PLCE1: variants seen among roughly 807,000 people sequenced by gnomAD.
PLCE1 encodes the protein phospholipase C epsilon 1.
Under a neutral mutation model 242.8 loss-of-function variants are expected in PLCE1, and 119 were observed. That is an observed-to-expected ratio of 0.49 (90% CI 0.42 to 0.57). PLCE1 has a LOEUF of 0.57. Ranked by LOEUF, PLCE1 falls within the 20% of genes least tolerant of loss-of-function variation. The probability of loss-of-function intolerance (pLI) is 0.00; values close to 1 mark genes in which losing one functional copy is unlikely to be tolerated. For synonymous variants in PLCE1, 945 were observed against 1,017.4 expected, an observed-to-expected ratio of 0.93 and a Z score of 1.35; for missense variants, 2,441 against 2,788.8, an observed-to-expected ratio of 0.88 and a Z score of 2.81.
At chr10:94,088,977 C>A in intron 2 of PLCE1, 1 of 1,123,028 alleles carries the variant, frequency 8.9e-7, no homozygotes, top group Non-Finnish European at 1.2e-6. Flanking sequence ...AGCCCTCCCT[C>A]GATTCTGGGT....
chr10:94,249,308 AG>A (rs1312366661), intron 8 of PLCE1, among the ~76,000 whole-genome samples: 5 of 152,204 alleles, frequency 3.3e-5, no homozygotes, highest in African/African-American at 1.2e-4. Context: ...ATCACCAAAA[AG>A]ATGCTAACTT....
chr10:94,308,725 A>C, intron 27 of PLCE1, 26 bp downstream of exon 27: 2 of 1,409,554 alleles, frequency 1.4e-6, no homozygotes, highest in African/African-American at 2.8e-5. Flanking sequence ...TTCACTCAAC[A>C]TATTTATGGG....
At chr10:94,009,146 G>C (rs1021703610) in intron 1 of PLCE1, among the ~76,000 whole-genome samples, 4 of 152,178 alleles carry the variant, frequency 2.6e-5, no homozygotes, top group African/African-American at 9.7e-5. Flanking sequence ...ACATGGTACT[G>C]GCATGTGCTT....
chr10:94,002,140 T>G (rs1032047112), intron 1 of PLCE1, among the ~76,000 whole-genome samples: 1 of 151,980 alleles, frequency 6.6e-6, no homozygotes, highest in Non-Finnish European at 1.5e-5. Context: ...ATTATTTGAA[T>G]CTAAGAGAAG....
At chr10:94,070,702 C>CT (rs2044326029) in intron 2 of PLCE1, among the ~76,000 whole-genome samples, 1 of 152,186 alleles carries the variant, frequency 6.6e-6, no homozygotes, top group Non-Finnish European at 1.5e-5. Flanking sequence ...CTTTTCTTGA[C>CT]TATTCCTGCT....
intron 3 of PLCE1, among the ~76,000 whole-genome samples, chr10:94,168,494 C>A (rs1054856410): frequency 3.9e-5 from 6 of 152,120 alleles, no homozygotes; most frequent in Non-Finnish European, 8.8e-5. Flanking sequence ...TGATGTCATG[C>A]TTATACTGAG....
intron 32 of PLCE1, 169 bp downstream of exon 32, chr10:94,325,273 CATG>C (rs1383017315): frequency 4.9e-6 from 3 of 607,648 alleles, no homozygotes; most frequent in Non-Finnish European, 8.8e-6. Context: ...ATATGTGTAA[CATG>C]ATATGCTATT....
chr10:94,162,806 TC>T (rs1428789357), intron 3 of PLCE1, among the ~76,000 whole-genome samples: 2 of 152,214 alleles, frequency 1.3e-5, no homozygotes, highest in Non-Finnish European at 2.9e-5. Context: ...GCTATATATT[TC>T]CCTCTACACA....
At chr10:94,121,599 A>G (rs548586625) in intron 2 of PLCE1, among the ~76,000 whole-genome samples, 2 of 152,306 alleles carry the variant, frequency 1.3e-5, no homozygotes, top group South Asian at 4.1e-4. Flanking sequence ...TTGAATGCTT[A>G]TTTATAACAA....
At chr10:93,998,651 A>C (rs1329432538) in intron 1 of PLCE1, among the ~76,000 whole-genome samples, 1 of 152,182 alleles carries the variant, frequency 6.6e-6, no homozygotes, top group Non-Finnish European at 1.5e-5. Flanking sequence ...CTGAGTGCTC[A>C]AAGTTAACTA....
At chr10:94,128,965 T>TTA (rs1394875522) in intron 2 of PLCE1, among the ~76,000 whole-genome samples, 2 of 152,216 alleles carry the variant, frequency 1.3e-5, no homozygotes, top group Non-Finnish European at 2.9e-5. Context: ...TGCTGGAACT[T>TTA]CAGATGTATA....
chr10:94,303,864 T>C (rs2053118519), intron 24 of PLCE1, among the ~76,000 whole-genome samples: 1 of 152,198 alleles, frequency 6.6e-6, no homozygotes, highest in Admixed American at 6.5e-5. Flanking sequence ...TGTCTCCTTG[T>C]TATTTTTCCC....
chr10:94,314,324 G>C (rs184262739), intron 28 of PLCE1, among the ~76,000 whole-genome samples: 1 of 152,308 alleles, frequency 6.6e-6, no homozygotes, highest in East Asian at 1.9e-4. Context: ...ATGCAGCCAG[G>C]CGCAGTGGCT....
chr10:94,218,548 C>G (rs1207180372), intron 4 of PLCE1, among the ~76,000 whole-genome samples: 1 of 151,928 alleles, frequency 6.6e-6, no homozygotes, highest in African/African-American at 2.4e-5. Context: ...TGACATAAAC[C>G]AATACTTCTG....
Position 94,031,755 on chromosome 10 carries a change from C to G in PLCE1, c.709C>G (p.Leu237Val), listed in dbSNP as rs755612271. The G allele has an allele frequency of 3.7e-6, 6 of 1,613,600 alleles. No homozygotes were observed. Among genetic ancestry groups the G allele is most frequent in the Middle Eastern group, 3.3e-4 (2 of 6,084 alleles). The stretch of plus-strand genomic sequence containing the variant: ...AAACTATGTGGCATATACCTGTAAA[C>G]TGATGGAATTGGCCAAAAATTGTGA... ...KKNYVAYTCK[L>V]MELAKNCDNK... Residue 237 changes from leucine to valine, a missense_variant, in exon 2 of 33, where the codon CTG (leucine) becomes GTG (valine). Leu to Val is a conservative substitution (Grantham distance 32, BLOSUM62 1). This residue lies in a region of PLCE1 where 393 missense variants were observed against 378.5 expected (regional missense o/e 1.04). Coordinates refer to ENST00000371380, the MANE Select transcript of PLCE1 (RefSeq NM_016341.4).
chr10:94,108,654 C>T (rs1404575911), intron 2 of PLCE1: 5 of 152,196 alleles, frequency 3.3e-5, no homozygotes, highest in South Asian at 2.1e-4. Context: ...CCCCTGCTTC[C>T]CCTGCTGATA....
chr10:94,280,064 G>A (rs1564856574), intron 20 of PLCE1, 153 bp downstream of exon 20: 12 of 782,526 alleles, frequency 1.5e-5, no homozygotes, highest in Admixed American at 4.1e-5. Flanking sequence ...ACTTAGCAAG[G>A]ACCGAGGAAG....
At chr10:94,207,514 C>CGTGTGTGTGTGT (rs56098317) in intron 4 of PLCE1, among the ~76,000 whole-genome samples, 7 of 142,768 alleles carry the variant, frequency 4.9e-5, no homozygotes, top group African/African-American at 1.3e-4. Context: ...AATAGTTATA[C>CGTGTGTGTGTGT]GTGTGTGTGT....
Position 94,060,948 on chromosome 10 carries a change from C to T in PLCE1, c.1206+28696C>T, listed in dbSNP as rs375120895. Among the ~76,000 whole-genome samples the T allele has an allele frequency of 3.3e-5, 5 of 152,220 alleles. No individual in the cohort carries two copies. In the East Asian group the frequency reaches 9.7e-4, roughly 29 times the overall value. ...CTGGGCTCAATGATCATCCACCCGC[C>T]TCGGCCTCCCAAAATGCTGGGATTA... On this transcript the variant is annotated intron_variant, in intron 2 of 32. Transcript: ENST00000371380.
Sources: gnomAD v4.1 joint callset for allele counts (sites outside exome capture counted in the v4.1 genomes callset) on GRCh38, gnomAD v4.1.1 for gene constraint, gnomAD v4.1.1 regional missense constraint, MANE v1.5 for transcripts, NCBI Gene and HGNC (gene_info 2026-07-23, HGNC 2026-07-21) for gene names.